GRM1: variants seen among roughly 807,000 people sequenced by gnomAD.
GRM1 encodes metabotropic glutamate receptor 1.
Under a neutral mutation model 90.9 loss-of-function variants are expected in GRM1, and 33 were observed. The ratio of observed to expected loss-of-function variants is 0.36; its 90% CI spans 0.28 to 0.49. The LOEUF is 0.49. Ranked by LOEUF, GRM1 falls within the 20% of genes least tolerant of loss-of-function variation. The pLI, the probability that GRM1 is intolerant of heterozygous loss-of-function variation, is 0.99. For missense variants in GRM1, 1,190 were observed against 1,534.3 expected, an observed-to-expected ratio of 0.78 and a Z score of 3.75; for synonymous variants, 700 against 613.2, an observed-to-expected ratio of 1.14 and a Z score of -2.09.
At chr6:146,069,810 C>T (rs1775967496) in intron 1 of GRM1, among the ~76,000 whole-genome samples, 1 of 152,168 alleles carries the variant, frequency 6.6e-6, no homozygotes, top group South Asian at 2.1e-4. Flanking sequence ...TCTATGACCA[C>T]TATTTTTTAC....
intron 2 of GRM1, among the ~76,000 whole-genome samples, chr6:146,269,992 G>T (rs980345027): frequency 2.0e-5 from 3 of 151,692 alleles, no homozygotes; most frequent in African/African-American, 4.8e-5. Context: ...GAAATGGGGG[G>T]ATCAATTTGC....
chr6:146,159,625 TCTC>T, intron 2 of GRM1, 28 bp downstream of exon 2: 1 of 1,508,726 alleles, frequency 6.6e-7, no homozygotes, highest in East Asian at 2.3e-5. Context: ...TCTCTCTCTC[TCTC>T]TCTCTCTCTC....
chr6:146,072,876 G>A (rs1043818157), intron 1 of GRM1, among the ~76,000 whole-genome samples: 2 of 152,030 alleles, frequency 1.3e-5, no homozygotes, highest in South Asian at 4.1e-4. Flanking sequence ...TATATGCTAG[G>A]TGCCTGGGAT....
At chr6:146,306,277 T>G (rs1783575240) in intron 3 of GRM1, among the ~76,000 whole-genome samples, 1 of 152,134 alleles carries the variant, frequency 6.6e-6, no homozygotes, top group South Asian at 2.1e-4. Flanking sequence ...TCTGAAATAA[T>G]AGATAAACCA....
intron 1 of GRM1, among the ~76,000 whole-genome samples, chr6:146,053,828 T>C (rs970406040): frequency 2.6e-5 from 4 of 152,026 alleles, no homozygotes; most frequent in African/African-American, 9.7e-5. Context: ...ACTATGTACG[T>C]GATATTATTA....
intron 3 of GRM1, among the ~76,000 whole-genome samples, chr6:146,342,246 C>T (rs1279302489): frequency 6.6e-6 from 1 of 152,128 alleles, no homozygotes; most frequent in South Asian, 2.1e-4. Context: ...ATATAAAGAG[C>T]TATGCAAAAA....
intron 2 of GRM1, among the ~76,000 whole-genome samples, chr6:146,181,321 T>C (rs7772919): frequency 0.25 from 38,616 of 151,926 alleles, 8,694 homozygotes; most frequent in African/African-American, 0.61. Context: ...TCTGAGGCAC[T>C]GAATAAGGAA....
rs78860192 is a variant in GRM1 at position 146,390,039 on chromosome 6, G to A, written c.1729+3023G>A. Among the ~76,000 whole-genome samples, 742 of 152,044 alleles carry A rather than the reference G, an allele frequency of 4.9e-3. 6 individuals are homozygous for A. Among genetic ancestry groups the A allele is most frequent in the African/African-American group, 0.017 (700 of 41,490 alleles). On this transcript the variant is annotated intron_variant, in intron 6 of 7. Coordinates refer to ENST00000282753, the MANE Select transcript of GRM1 (RefSeq NM_001278064.2). ...AGTAGAATTACTCAGAAAAGTAAAC[G>A]CATTGCCTTTAAGTAGGTGTTTGAT...
upstream of GRM1, among the ~76,000 whole-genome samples, chr6:146,028,983 G>C (rs1387809719): frequency 6.6e-6 from 1 of 152,170 alleles, no homozygotes; most frequent in Non-Finnish European, 1.5e-5. Flanking sequence ...GCGAGTTGGC[G>C]GGGCTCTGCG....
At chr6:146,055,837 T>C (rs1775464286) in intron 1 of GRM1, among the ~76,000 whole-genome samples, 1 of 152,094 alleles carries the variant, frequency 6.6e-6, no homozygotes, top group African/African-American at 2.4e-5. Flanking sequence ...GGGAAAGAAA[T>C]GTGTATTTAC....
chr6:146,202,723 C>G (rs1779341168), intron 2 of GRM1, among the ~76,000 whole-genome samples: 1 of 152,160 alleles, frequency 6.6e-6, no homozygotes, highest in Admixed American at 6.5e-5. Flanking sequence ...TCTAGACAAG[C>G]AACTTTCCAC....
chr6:146,342,309 A>G (rs1167100707), intron 3 of GRM1, among the ~76,000 whole-genome samples: 2 of 152,358 alleles, frequency 1.3e-5, no homozygotes, highest in Admixed American at 6.5e-5. Context: ...GCAACATTAC[A>G]TGTGATAAAA....
chr6:146,092,968 C>T (rs190042748), intron 1 of GRM1, among the ~76,000 whole-genome samples: 112 of 152,116 alleles, frequency 7.4e-4, no homozygotes, highest in Admixed American at 4.2e-3. Context: ...TTTAAGAGAT[C>T]GGAATATAAT....
intron 2 of GRM1, among the ~76,000 whole-genome samples, chr6:146,258,962 A>G (rs974205478): frequency 3.8e-4 from 58 of 152,168 alleles, no homozygotes; most frequent in African/African-American, 1.3e-3. Context: ...CAAGAATGCT[A>G]ATACATGAAA....
At chr6:146,033,133 T>C (rs1274268943) in intron 1 of GRM1, among the ~76,000 whole-genome samples, 1 of 152,122 alleles carries the variant, frequency 6.6e-6, no homozygotes, top group Non-Finnish European at 1.5e-5. Flanking sequence ...CCAGAAATTG[T>C]TCATGATTAG....
intron 2 of GRM1, among the ~76,000 whole-genome samples, chr6:146,169,244 G>C (rs894396496): frequency 1.3e-5 from 2 of 152,080 alleles, no homozygotes; most frequent in Admixed American, 6.5e-5. Context: ...TTCAGATATT[G>C]TATTTTTCAT....
At chr6:146,278,957 G>A (rs1013452671) in intron 2 of GRM1, among the ~76,000 whole-genome samples, 19 of 152,030 alleles carry the variant, frequency 1.2e-4, no homozygotes, top group Non-Finnish European at 2.2e-4. Flanking sequence ...CGCCCGCCTC[G>A]GCCTCCTAAA....
intron 7 of GRM1, among the ~76,000 whole-genome samples, chr6:146,415,116 T>C (rs1777729456): frequency 6.6e-6 from 1 of 152,210 alleles, no homozygotes; most frequent in South Asian, 2.1e-4. Flanking sequence ...TTTACAGTTC[T>C]GGAACATGAA....
chr6:146,033,734 G>A (rs944377217), intron 1 of GRM1, among the ~76,000 whole-genome samples: 1 of 151,476 alleles, frequency 6.6e-6, no homozygotes, highest in African/African-American at 2.4e-5. Flanking sequence ...ATATAAAATT[G>A]GCCTTTTTGA....
Sources: gnomAD v4.1 joint callset for allele counts (sites outside exome capture counted in the v4.1 genomes callset) on GRCh38, gnomAD v4.1.1 for gene constraint, MANE v1.5 for transcripts, NCBI Gene and HGNC (gene_info 2026-07-23, HGNC 2026-07-21) for gene names.